The following TMC5 variants were observed in gnomAD, a reference collection of about 807,000 sequenced individuals.
TMC5 encodes transmembrane channel like 5.
In TMC5, 86 loss-of-function variants were observed where a neutral mutation model predicts 110.5. The observed-to-expected ratio is 0.78, with a 90% CI of 0.65 to 0.93. The LOEUF (loss-of-function observed/expected upper bound fraction) is 0.93. TMC5 is among the 40% of genes least tolerant of loss of function. TMC5 has a pLI of 0.00. For missense variants in TMC5, 1,144 were observed against 1,222.8 expected (o/e 0.94, Z 0.96); for synonymous variants, 455 against 439.5 (o/e 1.04, Z -0.44).
chr16:19,414,196 T>C (rs1567292330), upstream of TMC5, among the ~76,000 whole-genome samples: 1 of 151,918 alleles, frequency 6.6e-6, no homozygotes, highest in Non-Finnish European at 1.5e-5. Context: ...CTAGGGTCCC[T>C]GCTTTCTGTG....
intron 5 of TMC5, among the ~76,000 whole-genome samples, chr16:19,459,156 C>T (rs957927804): frequency 2.0e-5 from 3 of 152,020 alleles, no homozygotes; most frequent in Non-Finnish European, 2.9e-5. Context: ...AACCAGTCAC[C>T]TGCAAGGGGA....
intron 17 of TMC5, among the ~76,000 whole-genome samples, chr16:19,489,890 G>A (rs1047169795): frequency 6.6e-6 from 1 of 151,604 alleles, no homozygotes; most frequent in African/African-American, 2.4e-5. Context: ...CTGGGCTCAA[G>A]TGATCCTCCC....
rs577212812 is a variant in TMC5, at chr16:19,423,120, C to T, written c.-308+5028C>T. Among the ~76,000 whole-genome samples the T allele has an allele frequency of 4.6e-5, 7 of 152,290 alleles. No individual in the cohort carries two copies. The South Asian group carries it at 1.5e-3, about 32-fold the overall frequency. On this transcript the variant is annotated intron_variant, in intron 1 of 21. Transcript: ENST00000542583. ...CCCTTCTCCTTTCTCTTCCTTCTCC[C>T]ATTCTTTTCTCTCCCAATTTTGTTT...
rs776416203 is a variant in TMC5, at chr16:19,434,411, ATATC to A, written c.-80+3775_-80+3778del. On this transcript the variant is annotated intron_variant, in intron 2 of 21. Coordinates refer to ENST00000542583, the MANE Select transcript of TMC5 (RefSeq NM_001261841.2). ...TATAGATATAATATATATATCATAT[ATATC>A]TATATATAATATGTATATATCATAT... Among the ~76,000 whole-genome samples, 406 of 133,066 alleles carry A rather than the reference ATATC, an allele frequency of 3.1e-3. 3 individuals carry two copies. The highest frequency in any genetic ancestry group is 6.6e-3 in the South Asian group (30 of 4,570). 87.3% of individuals were successfully genotyped at this position (133,066 alleles called of 152,430 possible). A position where few individuals can be genotyped will look rare whatever the true frequency, so the allele number is the denominator to read the frequency against.
chr16:19,430,033 T>C (rs1967164777), intron 1 of TMC5, among the ~76,000 whole-genome samples: 1 of 152,042 alleles, frequency 6.6e-6, no homozygotes, highest in African/African-American at 2.4e-5. Context: ...ACTCAACTCA[T>C]AACAGTGGTC....
intron 10 of TMC5, 139 bp downstream of exon 10, chr16:19,469,964 G>A (rs755813251): frequency 1.4e-5 from 13 of 932,168 alleles, no homozygotes; most frequent in East Asian, 1.1e-4. Flanking sequence ...GCGCAATCCC[G>A]GCTCACTGCA....
rs199934900 is a variant in TMC5, at chr16:19,463,875, G to A, written c.1336G>A (p.Val446Ile). Reference sequence around the variant, plus strand: ...CATTGGAGGCAAGTTTGGAACCAGCGTCCTCTCCTATTTCAACTTTCTGAG... The same window carrying A: ...CATTGGAGGCAAGTTTGGAACCAGCATCCTCTCCTATTTCAACTTTCTGAG... The part of the protein sequence containing the change: ...KIIGGKFGTS[V>I]LSYFNFLRWL... The change falls in exon 8 of 22, where the codon GTC becomes ATC. Residue 446 changes from valine (V) to isoleucine (I), a missense_variant. By Grantham distance (29) the Val-to-Ile change is conservative. Coordinates refer to ENST00000542583, the MANE Select transcript of TMC5 (RefSeq NM_001261841.2). The A allele has an allele frequency of 5.0e-5, 80 of 1,614,082 alleles. No homozygotes were observed. The highest frequency in any genetic ancestry group is 1.2e-4 in the African/African-American group (9 of 74,926).
upstream of TMC5, among the ~76,000 whole-genome samples, chr16:19,412,889 A>G (rs1597149518): frequency 1.3e-5 from 2 of 152,216 alleles, no homozygotes; most frequent in East Asian, 3.9e-4. Flanking sequence ...CTGTTGCCCA[A>G]GTTGCAGTGC....
At chr16:19,424,222 T>A (rs1288324762) in intron 1 of TMC5, among the ~76,000 whole-genome samples, 1 of 152,230 alleles carries the variant, frequency 6.6e-6, no homozygotes, top group Non-Finnish European at 1.5e-5. Flanking sequence ...TTGTGACTTT[T>A]CCACAGGTTC....
At position 19,434,213 on chromosome 16, in the gene TMC5, GT is replaced by G. The variant is rs1403078002; in HGVS notation, c.-80+3574del. On this transcript the variant is annotated intron_variant, in intron 2 of 21. Transcript: ENST00000542583. ...TAATATATATATCTATATATCTATA[GT>G]ATATATATCTATATATATAATATAT... is the stretch of plus-strand genomic sequence containing the variant. 1.7e-3 allele frequency among the ~76,000 whole-genome samples: 184 copies of G among 111,484 alleles called. 2 individuals are homozygous for G. The highest frequency in any genetic ancestry group is 2.6e-3 in the Admixed American group (24 of 9,242). The allele number at this position is 111,484 out of a possible 152,430, so 73.1% of individuals were successfully genotyped here.
In TMC5 at chr16:19,494,299, T is replaced by A; in HGVS notation, c.2864T>A (p.Ile955Asn). Residue 955 changes from isoleucine to asparagine, a missense_variant, in exon 20 of 22, where the codon ATC becomes AAC. By Grantham distance (149) the Ile-to-Asn change is moderately radical. Coordinates refer to ENST00000542583, the MANE Select transcript of TMC5 (RefSeq NM_001261841.2). ...AAAATGTTCCTGATAGAAAAATTGA[T>A]CAAGCTGCAGGATATGGAGAAGAAA... Reference protein sequence around the residue: ...KDKMFLIEKLIKLQDMEKKAN... With the variant: ...KDKMFLIEKLNKLQDMEKKAN... The A allele has an allele frequency of 6.2e-7, 1 of 1,613,506 alleles. No homozygotes were observed. Among genetic ancestry groups the A allele is most frequent in the Non-Finnish European group, 8.5e-7 (1 of 1,179,756 alleles).
intron 10 of TMC5, among the ~76,000 whole-genome samples, chr16:19,470,805 A>C (rs1038403296): frequency 6.7e-6 from 1 of 148,232 alleles, no homozygotes; most frequent in Admixed American, 6.8e-5. Context: ...AGGACGAGGC[A>C]GGCATATCAT....
chr16:19,424,244 A>G (rs2143372319), intron 1 of TMC5, among the ~76,000 whole-genome samples: 1 of 152,368 alleles, frequency 6.6e-6, no homozygotes, highest in Middle Eastern at 3.4e-3. Context: ...GTTATTTTCT[A>G]GAATGGCTCA....
At chr16:19,495,011 CTTTT>C (rs56178955) in intron 20 of TMC5, among the ~76,000 whole-genome samples, 1 of 40,512 alleles carries the variant, frequency 2.5e-5, no homozygotes, top group African/African-American at 9.3e-5. Context: ...AGTGTCTATT[CTTTT>C]TTTTTTTTTT....
rs569357936 is a variant in TMC5 at position 19,464,060 on chromosome 16, A to G, written c.1485+36A>G. 40 of 1,602,410 alleles carry G rather than the reference A, an allele frequency of 2.5e-5. No individual in the cohort carries two copies. In the South Asian group the frequency reaches 3.6e-4, roughly 14 times the overall value. ...CACTTCCCCTACCCCAAGTGCACCA[A>G]TCACCTCGGAAACCCAGGGACGTGC... On this transcript the variant is annotated intron_variant, in intron 8 of 21. Transcript: ENST00000542583.
At chr16:19,491,533 A>ATTTTTTTT (rs71275925) in intron 18 of TMC5, among the ~76,000 whole-genome samples, 1 of 117,854 alleles carries the variant, frequency 8.5e-6, no homozygotes, top group Admixed American at 9.2e-5. Flanking sequence ...TGTCTTAGGG[A>ATTTTTTTT]TTTTTTTTTT....
At chr16:19,457,280 G>T (rs1335475948) in intron 5 of TMC5, among the ~76,000 whole-genome samples, 1 of 152,180 alleles carries the variant, frequency 6.6e-6, no homozygotes, top group Admixed American at 6.5e-5. Context: ...TGTGGTCCCA[G>T]CTACTCAGGA....
rs774944819 is a variant in TMC5 at position 19,472,197 on chromosome 16, T to C, written c.1892T>C (p.Ile631Thr). ...VAWVVSTGVA[I>T]ACCAAVYYLA... The stretch of plus-strand genomic sequence containing the variant: ...TGGGTTGTCTCTACAGGAGTGGCCA[T>C]AGCCTGCTGTGCAGCCGTTTATTAC... The change falls in exon 11 of 22, where the codon ATA becomes ACA. Residue 631 changes from isoleucine to threonine, a missense_variant. Coordinates refer to ENST00000542583, the MANE Select transcript of TMC5 (RefSeq NM_001261841.2). The C allele has an allele frequency of 6.2e-6, 10 of 1,614,060 alleles. No homozygotes were observed. The highest frequency in any genetic ancestry group is 7.6e-6 in the Non-Finnish European group (9 of 1,180,028).
At chr16:19,485,785 T>C (rs1456915594) in intron 15 of TMC5, among the ~76,000 whole-genome samples, 1 of 152,242 alleles carries the variant, frequency 6.6e-6, no homozygotes, top group Admixed American at 6.5e-5. Context: ...TGTTAAAAAA[T>C]GGGAGAATGG....
Sources: gnomAD v4.1 joint callset for allele counts (sites outside exome capture counted in the v4.1 genomes callset) on GRCh38, gnomAD v4.1.1 for gene constraint, MANE v1.5 for transcripts, NCBI Gene and HGNC (gene_info 2026-07-23, HGNC 2026-07-21) for gene names.